Variants in NPFFR2 observed in about 807,000 individuals in gnomAD.
NPFFR2 encodes the protein neuropeptide FF receptor 2, also known as G-protein coupled receptor 74.
Under a neutral mutation model 13.1 loss-of-function variants are expected in NPFFR2, and 15 were observed. The observed-to-expected ratio is 1.15, with a 90% CI of 0.77 to 1.76. The LOEUF is 1.76. Ranked by LOEUF, NPFFR2 falls within the 40% of genes most tolerant of loss-of-function variation. NPFFR2 has a pLI of 0.00. For synonymous variants in NPFFR2, 190 were observed against 175.7 expected (o/e 1.08, Z -0.65); for missense variants, 572 against 503.5 (o/e 1.14, Z -1.30).
In NPFFR2 at chr4:72,148,269, A is replaced by G. The variant is rs1722852423; in HGVS notation, c.*457A>G. ...TACTCTGCTTATGTTTATAAACTGTACTTGGTTTTCTAAGAAATACATTCG... is the reference window on the plus strand; with the variant it reads ...TACTCTGCTTATGTTTATAAACTGTGCTTGGTTTTCTAAGAAATACATTCG... On this transcript the variant is annotated 3_prime_UTR_variant, in exon 4 of 4. Transcript: ENST00000308744. Among the ~76,000 whole-genome samples the G allele has an allele frequency of 6.6e-6, 1 of 152,318 alleles. No homozygotes were observed. The highest frequency in any genetic ancestry group is 2.4e-5 in the African/African-American group (1 of 41,582).
chr4:72,074,079 A>T (rs1232121444), intron 1 of NPFFR2, among the ~76,000 whole-genome samples: 1 of 149,580 alleles, frequency 6.7e-6, no homozygotes, highest in Non-Finnish European at 1.5e-5. Flanking sequence ...CAAAAATATT[A>T]ATCAATACTC....
chr4:72,137,991 A>G, intron 2 of NPFFR2, 49 bp from the exon 3 acceptor site: 1 of 1,386,884 alleles, frequency 7.2e-7, no homozygotes, highest in South Asian at 1.2e-5. Context: ...ATTTTCAGTG[A>G]GATTTTGAAA....
intron 2 of NPFFR2, 132 bp downstream of exon 2, chr4:72,129,051 C>T (rs1722157631): frequency 1.5e-6 from 1 of 663,600 alleles, no homozygotes; most frequent in Admixed American, 2.9e-5. Context: ...GATCCAGGCA[C>T]CTGCCCTCAT....
At chr4:72,146,085 T>A (rs562996696) in intron 3 of NPFFR2, among the ~76,000 whole-genome samples, 1 of 152,196 alleles carries the variant, frequency 6.6e-6, no homozygotes, top group Non-Finnish European at 1.5e-5. Context: ...TTTTTACAGC[T>A]GTAAAGCAAA....
At chr4:72,140,491 G>GCCTTT (rs1722571468) in intron 3 of NPFFR2, among the ~76,000 whole-genome samples, 1 of 152,114 alleles carries the variant, frequency 6.6e-6, no homozygotes, top group Non-Finnish European at 1.5e-5. Context: ...TTTGTCAAAG[G>GCCTTT]CCTTTTCTGC....
At chr4:72,096,307 A>G (rs893690260) in intron 1 of NPFFR2, among the ~76,000 whole-genome samples, 2 of 152,176 alleles carry the variant, frequency 1.3e-5, no homozygotes, top group Non-Finnish European at 1.5e-5. Context: ...CTGCTTTTGT[A>G]TTAGCATCCA....
At chr4:72,071,163 C>T (rs1384581657) in intron 1 of NPFFR2, among the ~76,000 whole-genome samples, 3 of 152,116 alleles carry the variant, frequency 2.0e-5, no homozygotes, top group Admixed American at 2.0e-4. Flanking sequence ...CTATGTTTTC[C>T]TTTTTTGTTA....
chr4:72,062,942 GAAAACAAAAC>G (rs5859301), intron 1 of NPFFR2, among the ~76,000 whole-genome samples: 4 of 151,672 alleles, frequency 2.6e-5, no homozygotes, highest in African/African-American at 9.7e-5. Flanking sequence ...AGACTTTTGA[GAAAACAAAAC>G]AAAACAAAAA....
At chr4:72,106,386 T>C (rs1026167551) in intron 1 of NPFFR2, among the ~76,000 whole-genome samples, 1 of 152,008 alleles carries the variant, frequency 6.6e-6, no homozygotes, top group African/African-American at 2.4e-5. Context: ...GAGTTAACTT[T>C]GGTACTCTAT....
chr4:72,042,958 C>T (rs909694491), intron 1 of NPFFR2, among the ~76,000 whole-genome samples: 1 of 152,178 alleles, frequency 6.6e-6, no homozygotes, highest in Non-Finnish European at 1.5e-5. Flanking sequence ...TTCATGGCAG[C>T]CCTCCCATCA....
At chr4:72,134,620 A>G (rs1193817232) in intron 2 of NPFFR2, among the ~76,000 whole-genome samples, 1 of 151,858 alleles carries the variant, frequency 6.6e-6, no homozygotes, top group East Asian at 1.9e-4. Context: ...AATGTTTTTC[A>G]TTTTCCTAGA....
chr4:72,045,672 A>C (rs961862725), intron 1 of NPFFR2, among the ~76,000 whole-genome samples: 1 of 152,228 alleles, frequency 6.6e-6, no homozygotes, highest in African/African-American at 2.4e-5. Flanking sequence ...CAGTTGGGCA[A>C]AAATCATCTA....
intron 1 of NPFFR2, among the ~76,000 whole-genome samples, chr4:72,061,191 A>G (rs1426020904): frequency 3.3e-5 from 5 of 152,164 alleles, no homozygotes; most frequent in African/African-American, 9.7e-5. Context: ...CCTGGAGGCT[A>G]GTGAAACACT....
At chr4:72,098,108 A>G (rs976352353) in intron 1 of NPFFR2, among the ~76,000 whole-genome samples, 1 of 152,216 alleles carries the variant, frequency 6.6e-6, no homozygotes, top group East Asian at 1.9e-4. Context: ...GCCAACATAA[A>G]GTAAGAGCTC....
intron 1 of NPFFR2, among the ~76,000 whole-genome samples, chr4:72,099,318 A>T (rs1192085316): frequency 1.3e-5 from 2 of 152,192 alleles, no homozygotes; most frequent in African/African-American, 4.8e-5. Flanking sequence ...AGAGATAAAG[A>T]ATGAAGTTTA....
At chr4:72,041,759 C>A (rs897430368) in intron 1 of NPFFR2, among the ~76,000 whole-genome samples, 1 of 152,186 alleles carries the variant, frequency 6.6e-6, no homozygotes, top group African/African-American at 2.4e-5. Context: ...TGGTGTTGAG[C>A]ATTTTTCCAT....
chr4:72,122,688 A>C (rs1193985761), intron 1 of NPFFR2, among the ~76,000 whole-genome samples: 3 of 152,138 alleles, frequency 2.0e-5, no homozygotes, highest in Non-Finnish European at 4.4e-5. Flanking sequence ...GAAATAAGTA[A>C]GTTCTTTGAA....
intron 1 of NPFFR2, among the ~76,000 whole-genome samples, chr4:72,101,172 T>C (rs1721236144): frequency 6.6e-6 from 1 of 152,128 alleles, no homozygotes; most frequent in African/African-American, 2.4e-5. Flanking sequence ...TCTGTCTTTG[T>C]TCTTCACATC....
rs1476435419 is a variant in NPFFR2 at position 72,075,956 on chromosome 4, G to GTC, written c.-8+43757_-8+43758dup. Among the ~76,000 whole-genome samples the GTC allele has an allele frequency of 3.8e-4, 43 of 113,160 alleles. No homozygotes were observed. The South Asian group carries it at 8.7e-3, about 23-fold the overall frequency. The allele number at this position is 113,160 out of a possible 152,430, so 74.2% of individuals were successfully genotyped here. On this transcript the variant is annotated intron_variant, in intron 1 of 3. Transcript: ENST00000308744. ...AGTAAATCAATCTCTCTCTCTCTCT[G>GTC]TCACACACACACACACACATACACA...
Sources: allele counts gnomAD v4.1 joint callset (sites outside exome capture counted in the v4.1 genomes callset), GRCh38; gene constraint gnomAD v4.1.1; transcripts MANE v1.5; gene names NCBI Gene and HGNC (gene_info 2026-07-23, HGNC 2026-07-21).